Variants in TULP4 observed in about 807,000 individuals in gnomAD.
The protein encoded by TULP4 is tubby-related protein 4.
Under a neutral mutation model 129.0 loss-of-function variants are expected in TULP4, and 16 were observed. The observed-to-expected ratio is 0.12, with a 90% CI of 0.08 to 0.19. The LOEUF is 0.19. Ranked by LOEUF, TULP4 falls within the 10% of genes least tolerant of loss-of-function variation. The probability of loss-of-function intolerance (pLI) is 1.00; values close to 1 mark genes in which losing one functional copy is unlikely to be tolerated. For missense variants in TULP4, 1,842 were observed against 2,059.1 expected, an observed-to-expected ratio of 0.89 and a Z score of 2.04; for synonymous variants, 998 against 854.0, an observed-to-expected ratio of 1.17 and a Z score of -2.94.
chr6:158,349,818 C>CG (rs1780455218), intron 1 of TULP4, among the ~76,000 whole-genome samples: 1 of 121,240 alleles, frequency 8.2e-6, no homozygotes. Context: ...CGCTCCTCAC[C>CG]TCCCAGATGG....
At chr6:158,501,417 C>T (rs1780440416) in intron 12 of TULP4, among the ~76,000 whole-genome samples, 1 of 152,128 alleles carries the variant, frequency 6.6e-6, no homozygotes, top group South Asian at 2.1e-4. Flanking sequence ...GGCACTGGTG[C>T]CAAGTTTAGA....
chr6:158,501,195 C>G (rs910950601), intron 12 of TULP4, among the ~76,000 whole-genome samples: 1 of 152,188 alleles, frequency 6.6e-6, no homozygotes. Flanking sequence ...AATGTGCATA[C>G]ATTTCTTATA....
upstream of TULP4, among the ~76,000 whole-genome samples, chr6:158,278,390 T>G (rs999452889): frequency 6.6e-5 from 10 of 151,834 alleles, no homozygotes; most frequent in South Asian, 4.1e-4. Flanking sequence ...AATACTAGTT[T>G]TTTTTTTTTT....
chr6:158,346,567 A>T (rs539710659), intron 1 of TULP4, among the ~76,000 whole-genome samples: 1 of 152,348 alleles, frequency 6.6e-6, no homozygotes, highest in South Asian at 2.1e-4. Flanking sequence ...AGTTATGCTG[A>T]TATATGGATT....
At chr6:158,458,719 C>T (rs1562575042) in intron 5 of TULP4, among the ~76,000 whole-genome samples, 2 of 152,182 alleles carry the variant, frequency 1.3e-5, no homozygotes, top group Admixed American at 6.5e-5. Flanking sequence ...TCTTCTTTAT[C>T]ATAATGACAT....
rs1192901482 is a variant in TULP4, at chr6:158,503,063, G to A, written c.3400G>A (p.Val1134Ile). ...CCCCATGCTGGGTGAGGATGTTTGG[G>A]TTCCTCAAGAAAGGACAGCACAGAC... is the stretch of plus-strand genomic sequence containing the variant. ...WDPMLGEDVW[V>I]PQERTAQTSG... Residue 1134 changes from valine (V) to isoleucine (I), a missense_variant, in exon 13 of 14, where the codon GTT becomes ATT. Physicochemically the swap from Val to Ile is conservative, Grantham distance 29. Coordinates refer to ENST00000367097, the MANE Select transcript of TULP4 (RefSeq NM_020245.5). The surrounding 1 kb of genome is among the most constrained non-coding windows in gnomAD (Gnocchi z 4.3). 11 of 1,613,980 alleles carry A rather than the reference G, an allele frequency of 6.8e-6. No homozygotes were observed. The highest frequency in any genetic ancestry group is 1.7e-5 in the Admixed American group (1 of 60,008).
intron 6 of TULP4, among the ~76,000 whole-genome samples, chr6:158,474,816 A>G (rs535416199): frequency 6.6e-6 from 1 of 152,200 alleles, no homozygotes; most frequent in South Asian, 2.1e-4. Flanking sequence ...TCCAATGAAT[A>G]TTTCCTTTGA....
intron 8 of TULP4, among the ~76,000 whole-genome samples, chr6:158,489,096 G>A (rs924138230): frequency 1.3e-5 from 2 of 152,326 alleles, no homozygotes; most frequent in South Asian, 4.1e-4. Flanking sequence ...AATTCCAGGG[G>A]ACTTTCTGAC....
intron 1 of TULP4, among the ~76,000 whole-genome samples, 168 bp downstream of exon 1, chr6:158,314,436 A>G (rs1254067251): frequency 6.6e-6 from 1 of 152,208 alleles, no homozygotes; most frequent in Non-Finnish European, 1.5e-5. Context: ...GCTAAGATGG[A>G]CATAGTTCAC....
intron 1 of TULP4, among the ~76,000 whole-genome samples, chr6:158,294,390 TAAAG>T (rs1421022097): frequency 2.7e-5 from 4 of 150,814 alleles, no homozygotes; most frequent in African/African-American, 4.9e-5. Flanking sequence ...AAAAAATAAA[TAAAG>T]CAGGTTGTCA....
At chr6:158,406,024 C>T (rs1175627974) in intron 1 of TULP4, among the ~76,000 whole-genome samples, 2 of 152,192 alleles carry the variant, frequency 1.3e-5, no homozygotes, top group East Asian at 1.9e-4. Context: ...GAGTGTTCCA[C>T]CAGGTGCTCC....
At position 158,453,485 on chromosome 6, in the gene TULP4, C is replaced by CAAAAAAAAAAAAAAAAAA. The variant is rs869146924; in HGVS notation, c.859+1224_859+1241dup. The stretch of plus-strand genomic sequence containing the variant: ...GGTGACAGAGCGAGACTCTGTCTCA[C>CAAAAAAAAAAAAAAAAAA]AAAAAAAAAAAAAAAAAAAAAAAAG... On this transcript the variant is annotated intron_variant, in intron 5 of 13. Coordinates refer to ENST00000367097, the MANE Select transcript of TULP4 (RefSeq NM_020245.5). Among the ~76,000 whole-genome samples, 5 of 17,982 alleles carry CAAAAAAAAAAAAAAAAAA rather than the reference C, an allele frequency of 2.8e-4. 1 individual carries two copies. Among genetic ancestry groups the CAAAAAAAAAAAAAAAAAA allele is most frequent in the African/African-American group, 4.2e-4 (2 of 4,794 alleles). 11.8% of individuals were successfully genotyped at this position (17,982 alleles called of 152,430 possible).
At chr6:158,301,026 T>G (rs1366544759) in intron 1 of TULP4, among the ~76,000 whole-genome samples, 3 of 152,212 alleles carry the variant, frequency 2.0e-5, no homozygotes, top group Non-Finnish European at 4.4e-5. Flanking sequence ...AGATCTAATA[T>G]GTGTAATATA....
At chr6:158,400,204 T>C (rs1443014548) in intron 1 of TULP4, among the ~76,000 whole-genome samples, 3 of 152,254 alleles carry the variant, frequency 2.0e-5, no homozygotes, top group African/African-American at 4.8e-5. Flanking sequence ...AAGTGCATTA[T>C]TGTAAAGGTA....
chr6:158,325,477 C>T (rs931408676), intron 1 of TULP4, among the ~76,000 whole-genome samples: 4 of 151,712 alleles, frequency 2.6e-5, no homozygotes, highest in Admixed American at 1.3e-4. Context: ...CTTAGCCTCC[C>T]GAGTAGCTGG....
rs868408448 is a variant in TULP4, at chr6:158,461,426, A to C, written c.860-137A>C. The C allele has an allele frequency of 8.4e-4, 615 of 733,812 alleles. 2 individuals are homozygous for C. In the African/African-American group the frequency reaches 0.015, roughly 18 times the overall value. 45.5% of individuals were successfully genotyped at this position (733,812 alleles called of 1,614,324 possible). On this transcript the variant is annotated intron_variant, in intron 5 of 13. Coordinates refer to ENST00000367097, the MANE Select transcript of TULP4 (RefSeq NM_020245.5). ...AACTCCGTCTCAAAAAAAAAAAAAA[A>C]GGAAAAAACCATGAATATATTTTTG...
intron 2 of TULP4, among the ~76,000 whole-genome samples, chr6:158,415,978 G>C (rs1046692567): frequency 6.6e-6 from 1 of 152,224 alleles, no homozygotes. Context: ...TGACAGTGCA[G>C]CCTTGAGTCT....
At chr6:158,284,017 T>C (rs1334685698) in intron 1 of TULP4, among the ~76,000 whole-genome samples, 1 of 152,176 alleles carries the variant, frequency 6.6e-6, no homozygotes, top group African/African-American at 2.4e-5. Context: ...TGGAAAACTC[T>C]CCTACTCTAA....
At chr6:158,362,512 G>A (rs1780818218) in intron 1 of TULP4, among the ~76,000 whole-genome samples, 1 of 151,908 alleles carries the variant, frequency 6.6e-6, no homozygotes, top group Non-Finnish European at 1.5e-5. Flanking sequence ...CCCATGCCCA[G>A]CTAATTTTGG....
Sources: allele counts gnomAD v4.1 joint callset (sites outside exome capture counted in the v4.1 genomes callset), GRCh38; gene constraint gnomAD v4.1.1; non-coding constraint Gnocchi (gnomAD v3.1); transcripts MANE v1.5; gene names NCBI Gene and HGNC (gene_info 2026-07-23, HGNC 2026-07-21).